Variants in CEP192 observed in about 807,000 individuals in gnomAD.
The protein encoded by CEP192 is centrosomal protein of 192 kDa.
A neutral mutation model predicts 271.8 loss-of-function variants in CEP192; 151 were observed. The ratio of observed to expected loss-of-function variants is 0.56; its 90% CI spans 0.49 to 0.64. The LOEUF (loss-of-function observed/expected upper bound fraction) is 0.64, where lower values mean the gene tolerates loss of function less well. Ranked by LOEUF, CEP192 falls within the 30% of genes least tolerant of loss-of-function variation. CEP192 has a pLI of 0.00. For missense variants in CEP192, 2,910 were observed against 3,020.5 expected (o/e 0.96, Z 0.86); for synonymous variants, 995 against 1,076.5 (o/e 0.92, Z 1.48).
At chr18:13,090,823 G>A (rs1274545303) in intron 33 of CEP192, among the ~76,000 whole-genome samples, 2 of 152,176 alleles carry the variant, frequency 1.3e-5, no homozygotes, top group Admixed American at 1.3e-4. Flanking sequence ...GTGCTATGGA[G>A]ATGGAACACT....
chr18:13,077,682 G>T (rs2038364310), intron 30 of CEP192, among the ~76,000 whole-genome samples: 1 of 152,144 alleles, frequency 6.6e-6, no homozygotes. Context: ...TTGAAAAGTT[G>T]TTTGAGTTCT....
chr18:13,004,886 G>A (rs2033882604), intron 3 of CEP192, among the ~76,000 whole-genome samples: 1 of 152,156 alleles, frequency 6.6e-6, no homozygotes, highest in African/African-American at 2.4e-5. Flanking sequence ...GAGGGACAAG[G>A]TTGCTGAGGA....
At chr18:13,111,405 G>A (rs143411712) in intron 40 of CEP192, among the ~76,000 whole-genome samples, 2,366 of 152,256 alleles carry the variant, frequency 0.016, 17 homozygotes, top group Middle Eastern at 0.027. Flanking sequence ...GATTGCAGGC[G>A]TGAGCCACCG....
At chr18:13,098,772 CG>C (rs1568415662) in intron 36 of CEP192, among the ~76,000 whole-genome samples, 2 of 150,552 alleles carry the variant, frequency 1.3e-5, no homozygotes, top group African/African-American at 4.9e-5. Flanking sequence ...ACTTCCCAGA[CG>C]GGGTGGCGGC....
chr18:13,014,551 T>C (rs2034536174), intron 5 of CEP192, among the ~76,000 whole-genome samples: 1 of 152,210 alleles, frequency 6.6e-6, no homozygotes, highest in African/African-American at 2.4e-5. Context: ...TTTTATATTA[T>C]GAAAACTTTC....
chr18:13,097,688 G>A lies in CEP192; in HGVS notation c.6557+1381G>A, dbSNP rs1235440585. ...TATTGATCATTCTTGGGTGTTTCTC[G>A]CAGAGGGGGATTTGGCAGGGTCATA... On this transcript the variant is annotated intron_variant, in intron 36 of 44. Transcript: ENST00000506447. 4.4e-4 allele frequency among the ~76,000 whole-genome samples: 61 copies of A among 137,422 alleles called. 2 individuals are homozygous for A. The highest frequency in any genetic ancestry group is 6.8e-4 in the South Asian group (3 of 4,440). The allele number at this position is 137,422 out of a possible 152,430, so 90.2% of individuals were successfully genotyped here. A position where few individuals can be genotyped will look rare whatever the true frequency, so the allele number is the denominator to read the frequency against.
chr18:13,029,672 AG>A lies in CEP192; in HGVS notation c.1061del (p.Ser354IlefsTer6). On this transcript the variant is annotated frameshift_variant, in exon 10 of 45. Coordinates refer to ENST00000506447, the MANE Select transcript of CEP192 (RefSeq NM_032142.4). LOFTEE classifies it high-confidence loss of function. ...ATTTTTTGTTTTAAAGGAATGTGCA[AG>A]TAAAGATGTTCTGGTGAAGACCCTC... ...IVPDLNSECA[S>X]KDVLVKTLRA... The A allele has an allele frequency of 6.7e-7, 1 of 1,503,134 alleles. No homozygotes were observed. Among genetic ancestry groups the A allele is most frequent in the Non-Finnish European group, 8.9e-7 (1 of 1,118,394 alleles). 93.1% of individuals were successfully genotyped at this position (1,503,134 alleles called of 1,614,324 possible).
At chr18:13,028,145 C>T (rs1022059729) in intron 9 of CEP192, among the ~76,000 whole-genome samples, 5 of 152,154 alleles carry the variant, frequency 3.3e-5, no homozygotes, top group Admixed American at 1.3e-4. Context: ...GTAGCAGCAG[C>T]ACTCACATCT....
chr18:13,095,704 C>T, intron 35 of CEP192, 23 bp downstream of exon 35: 1 of 1,603,408 alleles, frequency 6.2e-7, no homozygotes, highest in Non-Finnish European at 8.5e-7. Flanking sequence ...ACTGTGACAC[C>T]TCAGAGGTGT....
At chr18:13,034,904 A>G (rs2035836189) in intron 11 of CEP192, among the ~76,000 whole-genome samples, 2 of 151,818 alleles carry the variant, frequency 1.3e-5, no homozygotes, top group Non-Finnish European at 2.9e-5. Flanking sequence ...CATCTATTCA[A>G]GGTGCTGCAT....
At chr18:13,117,666 T>C (rs1598651409) in intron 44 of CEP192, 23 bp downstream of exon 44, 2 of 1,590,002 alleles carry the variant, frequency 1.3e-6, no homozygotes, top group Non-Finnish European at 1.7e-6. Flanking sequence ...CAGATCACAG[T>C]GTTCTCATCA....
chr18:13,017,254 T>C lies in CEP192; in HGVS notation c.707T>C (p.Ile236Thr), dbSNP rs1340894597. ...HLEAYFEQLA[I>T]PGMIYEDLEG... Reference sequence around the variant, plus strand: ...GAGGCTTATTTTGAACAACTGGCAATTCCAGGAATGATATATGAAGACCTA... The same window carrying C: ...GAGGCTTATTTTGAACAACTGGCAACTCCAGGAATGATATATGAAGACCTA... Residue 236 changes from isoleucine (I) to threonine (T), a missense_variant, in exon 7 of 45, where the codon ATT becomes ACT. Physicochemically the swap from Ile to Thr is moderately conservative, Grantham distance 89. Coordinates refer to ENST00000506447, the MANE Select transcript of CEP192 (RefSeq NM_032142.4). The C allele has an allele frequency of 2.6e-6, 4 of 1,549,880 alleles. No homozygotes were observed. The African/African-American group carries it at 5.5e-5, about 21-fold the overall frequency.
chr18:13,115,511 C>T lies in CEP192; in HGVS notation c.7290-866C>T, dbSNP rs143625195. ...CTGGGAAGCCAGGGAGTGACATGAT[C>T]AGGTATGCGTGTGTAGGACAATCCC... On this transcript the variant is annotated intron_variant, in intron 42 of 44. Coordinates refer to ENST00000506447, the MANE Select transcript of CEP192 (RefSeq NM_032142.4). Among the ~76,000 whole-genome samples, 571 of 152,120 alleles carry T rather than the reference C, an allele frequency of 3.8e-3. 3 individuals carry two copies. The highest frequency in any genetic ancestry group is 0.013 in the African/African-American group (526 of 41,478).
intron 9 of CEP192, among the ~76,000 whole-genome samples, chr18:13,020,854 T>G (rs776744464): frequency 9.2e-5 from 14 of 152,242 alleles, no homozygotes; most frequent in Non-Finnish European, 1.5e-4. Flanking sequence ...TTTATGTGCT[T>G]CTTTTCATGT....
Position 13,068,939 on chromosome 18 carries a change from G to A in CEP192, c.4910G>A (p.Ser1637Asn). The A allele has an allele frequency of 6.2e-7, 1 of 1,614,188 alleles. No homozygotes were observed. Among genetic ancestry groups the A allele is most frequent in the Non-Finnish European group, 8.5e-7 (1 of 1,180,040 alleles). Residue 1637 changes from serine (S) to asparagine (N), a missense_variant, in exon 25 of 45, where the codon AGT becomes AAT. Coordinates refer to ENST00000506447, the MANE Select transcript of CEP192 (RefSeq NM_032142.4). ...CCTACGCCCGTTCTTAGAAGTGTGAGTCTCCGAGCAAGAGCAGGAATAGCT... is the reference window on the plus strand; with the variant it reads ...CCTACGCCCGTTCTTAGAAGTGTGAATCTCCGAGCAAGAGCAGGAATAGCT... ...PNPTPVLRSV[S>N]LRARAGIARI...
chr18:13,045,248 A>G (rs752072148), intron 15 of CEP192, among the ~76,000 whole-genome samples: 1 of 151,268 alleles, frequency 6.6e-6, no homozygotes, highest in Non-Finnish European at 1.5e-5. Flanking sequence ...CTTTCCTTCT[A>G]CTTTCTATGG....
At chr18:13,068,286 C>T (rs749137935) in intron 23 of CEP192, 49 bp downstream of exon 23, 1 of 1,604,522 alleles carries the variant, frequency 6.2e-7, no homozygotes, top group Admixed American at 1.7e-5. Flanking sequence ...GCTTCTAAAC[C>T]TCTTTTCTTT....
At chr18:13,092,698 A>G (rs2039204649) in intron 34 of CEP192, among the ~76,000 whole-genome samples, 171 bp downstream of exon 34, 1 of 152,244 alleles carries the variant, frequency 6.6e-6, no homozygotes, top group African/African-American at 2.4e-5. Context: ...AGGAAAGTTT[A>G]GAAATAGTGC....
chr18:13,064,510 G>A (rs1008393340), intron 21 of CEP192, among the ~76,000 whole-genome samples: 4 of 151,736 alleles, frequency 2.6e-5, no homozygotes, highest in African/African-American at 9.7e-5. Flanking sequence ...TACTTGGGAG[G>A]CTGAGGCAGG....
Sources: allele counts gnomAD v4.1 joint callset (sites outside exome capture counted in the v4.1 genomes callset), GRCh38; gene constraint gnomAD v4.1.1; transcripts MANE v1.5; gene names NCBI Gene and HGNC (gene_info 2026-07-23, HGNC 2026-07-21).